The following IQGAP2 variants were observed in gnomAD, a reference collection of about 807,000 sequenced individuals.
IQGAP2 encodes the protein IQ motif containing GTPase activating protein 2.
IQGAP2 carries 173 observed loss-of-function variants against 201.3 expected under a neutral mutation model. The observed-to-expected ratio is 0.86, with a 90% CI of 0.76 to 0.98. The LOEUF (loss-of-function observed/expected upper bound fraction) is 0.98, where lower values mean the gene tolerates loss of function less well. Ranked by LOEUF, IQGAP2 falls within the 50% of genes least tolerant of loss-of-function variation. The pLI is 0.00. For synonymous variants in IQGAP2, 675 were observed against 673.9 expected (o/e 1.00, Z -0.03); for missense variants, 1,687 against 1,864.8 (o/e 0.90, Z 1.76).
At chr5:76,622,801 T>C (rs1749833265) in intron 13 of IQGAP2, among the ~76,000 whole-genome samples, 1 of 152,180 alleles carries the variant, frequency 6.6e-6, no homozygotes. Flanking sequence ...ACCAAGAGGT[T>C]TAAACACAGG....
intron 22 of IQGAP2, 28 bp from the exon 23 acceptor site, chr5:76,668,653 T>G (rs1744010454): frequency 6.3e-7 from 1 of 1,580,762 alleles, no homozygotes; most frequent in African/African-American, 1.4e-5. Flanking sequence ...GGGATTTTTT[T>G]GTTTTCTTTT....
At chr5:76,431,499 G>A (rs1752363620) in intron 1 of IQGAP2, among the ~76,000 whole-genome samples, 1 of 152,034 alleles carries the variant, frequency 6.6e-6, no homozygotes, top group South Asian at 2.1e-4. Flanking sequence ...TGCTTTGTTT[G>A]GCATGCTTTG....
At chr5:76,487,288 A>G (rs1756221152) in intron 2 of IQGAP2, among the ~76,000 whole-genome samples, 5 of 151,922 alleles carry the variant, frequency 3.3e-5, no homozygotes, top group African/African-American at 1.2e-4. Context: ...TAGTCGAGAC[A>G]GGGTTTCACC....
intron 2 of IQGAP2, among the ~76,000 whole-genome samples, chr5:76,500,316 G>A (rs969411071): frequency 2.0e-5 from 3 of 152,124 alleles, no homozygotes; most frequent in African/African-American, 4.8e-5. Context: ...CCTAAGAAAC[G>A]GAGATGTTCT....
chr5:76,452,202 AC>A (rs1753801357), intron 1 of IQGAP2, among the ~76,000 whole-genome samples: 1 of 147,970 alleles, frequency 6.8e-6, no homozygotes, highest in Middle Eastern at 3.2e-3. Flanking sequence ...GGCGTGAGCC[AC>A]CACGCCCAGC....
At chr5:76,575,165 C>T (rs1223421284) in intron 4 of IQGAP2, among the ~76,000 whole-genome samples, 1 of 151,994 alleles carries the variant, frequency 6.6e-6, no homozygotes, top group Non-Finnish European at 1.5e-5. Context: ...TCCTTCATAC[C>T]TTATATACTT....
At chr5:76,426,034 G>T (rs1037906611) in intron 1 of IQGAP2, among the ~76,000 whole-genome samples, 2 of 152,170 alleles carry the variant, frequency 1.3e-5, no homozygotes, top group Non-Finnish European at 2.9e-5. Flanking sequence ...AACGGGATTA[G>T]AATGTGTTTG....
At chr5:76,425,887 A>C (rs563009445) in intron 1 of IQGAP2, among the ~76,000 whole-genome samples, 19 of 152,298 alleles carry the variant, frequency 1.2e-4, no homozygotes, top group Admixed American at 2.0e-4. Flanking sequence ...TGAGTTGTTC[A>C]TGCATGCTGG....
intron 2 of IQGAP2, among the ~76,000 whole-genome samples, chr5:76,559,688 G>A (rs999451111): frequency 1.3e-5 from 2 of 152,082 alleles, no homozygotes; most frequent in African/African-American, 2.4e-5. Flanking sequence ...CGTTTCATTC[G>A]ATGTCATTTC....
chr5:76,512,316 A>G (rs1196786659), intron 2 of IQGAP2, among the ~76,000 whole-genome samples: 3 of 152,226 alleles, frequency 2.0e-5, no homozygotes, highest in Non-Finnish European at 2.9e-5. Context: ...CAGACTTTGT[A>G]TAAGGCTTTT....
At chr5:76,501,767 CA>C (rs1006319135) in intron 2 of IQGAP2, among the ~76,000 whole-genome samples, 3 of 150,908 alleles carry the variant, frequency 2.0e-5, no homozygotes, top group Non-Finnish European at 4.4e-5. Context: ...CTCAGCCTCC[CA>C]AGTAGCTGGG....
At chr5:76,686,616 T>C (rs1029833838) in intron 30 of IQGAP2, among the ~76,000 whole-genome samples, 4 of 152,164 alleles carry the variant, frequency 2.6e-5, no homozygotes, top group Non-Finnish European at 5.9e-5. Context: ...TTCATGCCAT[T>C]CTCCTGCCTC....
At chr5:76,596,856 C>T (rs1747070054) in intron 9 of IQGAP2, among the ~76,000 whole-genome samples, 1 of 152,170 alleles carries the variant, frequency 6.6e-6, no homozygotes, top group Non-Finnish European at 1.5e-5. Context: ...AGAGCCAAAC[C>T]ATATCACAGA....
At chr5:76,484,833 T>C (rs1015305662) in intron 2 of IQGAP2, among the ~76,000 whole-genome samples, 1 of 151,890 alleles carries the variant, frequency 6.6e-6, no homozygotes, top group African/African-American at 2.4e-5. Flanking sequence ...TTTGTTATTG[T>C]TGTTATTGTT....
intron 14 of IQGAP2, among the ~76,000 whole-genome samples, chr5:76,629,606 A>G (rs986781544): frequency 2.0e-5 from 3 of 152,304 alleles, no homozygotes; most frequent in Admixed American, 2.0e-4. Context: ...ACTCCTTACC[A>G]TGAAATTTTA....
chr5:76,481,122 A>G (rs1445546245), intron 2 of IQGAP2, among the ~76,000 whole-genome samples: 1 of 152,140 alleles, frequency 6.6e-6, no homozygotes, highest in African/African-American at 2.4e-5. Flanking sequence ...TCTTAATGCT[A>G]TCACAATGGT....
At chr5:76,618,695 G>C (rs942065315) in intron 13 of IQGAP2, 2 of 1,307,358 alleles carry the variant, frequency 1.5e-6, no homozygotes, top group East Asian at 6.2e-5. Flanking sequence ...AGAAAAGAAA[G>C]TGTGTTTAAT....
intron 16 of IQGAP2, among the ~76,000 whole-genome samples, chr5:76,638,198 G>A (rs1186501888): frequency 6.6e-6 from 1 of 152,092 alleles, no homozygotes; most frequent in Non-Finnish European, 1.5e-5. Flanking sequence ...TCTGCATTAG[G>A]TGAAACCCCA....
At position 76,693,429 on chromosome 5, in the gene IQGAP2, C is replaced by T; in HGVS notation, c.3980C>T (p.Ala1327Val). The change falls in exon 31 of 36, where the codon GCA becomes GTA. Residue 1327 changes from alanine (A) to valine (V), a missense_variant. Physicochemically the swap from Ala to Val is moderately conservative, Grantham distance 64. Coordinates refer to ENST00000274364, the MANE Select transcript of IQGAP2 (RefSeq NM_006633.5). ...TTGACAGAAATCTTAGAGACACCAGCAACTGCGCAACAGGTAATTTGACTT... is the reference window on the plus strand; with the variant it reads ...TTGACAGAAATCTTAGAGACACCAGTAACTGCGCAACAGGTAATTTGACTT... ...NTLTEILETP[A>V]TAQQEVDHAT... is the part of the protein sequence containing the mutation. 6.2e-7 allele frequency: 1 copy of T among 1,606,764 alleles called. No homozygotes were observed. The highest frequency in any genetic ancestry group is 8.5e-7 in the Non-Finnish European group (1 of 1,173,560).
Sources: allele counts gnomAD v4.1 joint callset (sites outside exome capture counted in the v4.1 genomes callset), GRCh38; gene constraint gnomAD v4.1.1; transcripts MANE v1.5; gene names NCBI Gene and HGNC (gene_info 2026-07-23, HGNC 2026-07-21).